The following STPG2 variants were observed in gnomAD, a reference collection of about 807,000 sequenced individuals.
The protein encoded by STPG2 is sperm-tail PG-rich repeat-containing protein 2.
A neutral mutation model predicts 54.2 loss-of-function variants in STPG2; 56 were observed. The ratio of observed to expected loss-of-function variants is 1.03; its 90% CI spans 0.83 to 1.29. STPG2 has a LOEUF of 1.29. Ranked by LOEUF, STPG2 falls within the 50% of genes most tolerant of loss-of-function variation. The pLI, the probability that STPG2 is intolerant of heterozygous loss-of-function variation, is 0.00. For missense variants in STPG2, 596 were observed against 544.9 expected, an observed-to-expected ratio of 1.09 and a Z score of -0.93; for synonymous variants, 200 against 181.8, an observed-to-expected ratio of 1.10 and a Z score of -0.81.
intron 8 of STPG2, among the ~76,000 whole-genome samples, chr4:97,922,548 GA>G (rs1732148752): frequency 6.6e-6 from 1 of 152,174 alleles, no homozygotes; most frequent in African/African-American, 2.4e-5. Flanking sequence ...GTGCTGTGTG[GA>G]AGTTCAAATA....
chr4:97,532,194 G>T (rs1449081638), intron 4 of STPG2, among the ~76,000 whole-genome samples: 1 of 151,896 alleles, frequency 6.6e-6, no homozygotes, highest in Admixed American at 6.6e-5. Flanking sequence ...TAGTAATAAT[G>T]CAATTACCTT....
At chr4:98,125,592 T>C (rs1198111450) in intron 3 of STPG2, among the ~76,000 whole-genome samples, 3 of 151,974 alleles carry the variant, frequency 2.0e-5, no homozygotes, top group African/African-American at 7.3e-5. Flanking sequence ...GCTGGAACAC[T>C]CCTGTATGAG....
chr4:97,612,448 G>T (rs1453100295), intron 10 of STPG2, among the ~76,000 whole-genome samples: 1 of 152,000 alleles, frequency 6.6e-6, no homozygotes, highest in Non-Finnish European at 1.5e-5. Context: ...TCAGACGATT[G>T]ACCCTATAAT....
chr4:98,025,577 GC>G, intron 5 of STPG2: 1 of 735,342 alleles, frequency 1.4e-6, no homozygotes, highest in South Asian at 1.4e-5. Flanking sequence ...TTGTCAGATT[GC>G]TTATGCCCAT....
chr4:97,549,702 A>C (rs1473817878), intron 4 of STPG2, among the ~76,000 whole-genome samples: 1 of 152,186 alleles, frequency 6.6e-6, no homozygotes, highest in Non-Finnish European at 1.5e-5. Flanking sequence ...ACAGAGAAGA[A>C]GGTCATGTAA....
chr4:97,522,149 C>T (rs1054362030), intron 4 of STPG2, among the ~76,000 whole-genome samples: 5 of 151,874 alleles, frequency 3.3e-5, no homozygotes, highest in Non-Finnish European at 5.9e-5. Context: ...TTGATAATTA[C>T]AAATATTAAA....
intron 8 of STPG2, 61 bp from the exon 9 acceptor site, chr4:97,840,993 T>C (rs1289420385): frequency 5.9e-6 from 9 of 1,517,792 alleles, no homozygotes; most frequent in Middle Eastern, 1.8e-4. Context: ...TCCAAGAAGA[T>C]ACCAGATGGA....
intron 5 of STPG2, among the ~76,000 whole-genome samples, chr4:98,023,050 T>C (rs1416131271): frequency 2.6e-5 from 4 of 151,742 alleles, no homozygotes; most frequent in African/African-American, 4.9e-5. Flanking sequence ...CTTTGTTCTG[T>C]TACTGGTGAG....
At chr4:97,532,951 C>G (rs1396886843) in intron 4 of STPG2, among the ~76,000 whole-genome samples, 2 of 152,060 alleles carry the variant, frequency 1.3e-5, no homozygotes, top group African/African-American at 2.4e-5. Flanking sequence ...GGTGCAATCC[C>G]AGCTCACTGC....
chr4:97,527,870 T>A (rs1731318712), intron 4 of STPG2, among the ~76,000 whole-genome samples: 1 of 152,316 alleles, frequency 6.6e-6, no homozygotes, highest in African/African-American at 2.4e-5. Flanking sequence ...TGTAAATTTA[T>A]TTATATTTCT....
rs199843964 is a variant in STPG2, at chr4:98,033,126, C to A, written c.613-51808G>T. 9.4e-4 allele frequency among the ~76,000 whole-genome samples: 53 copies of A among 56,094 alleles called. 1 individual carries two copies. In the South Asian group the frequency reaches 0.023, roughly 24 times the overall value. 36.8% of individuals were successfully genotyped at this position (56,094 alleles called of 152,430 possible). On this transcript the variant is annotated intron_variant, in intron 5 of 10. Coordinates refer to ENST00000295268, the MANE Select transcript of STPG2 (RefSeq NM_174952.3). ...TGAAGAAGATAGAAACACACACACA[C>A]ACAAAAAAAACCCTTCAAAAAAATC...
chr4:97,910,751 T>C (rs72892940), intron 8 of STPG2, among the ~76,000 whole-genome samples: 19,379 of 151,764 alleles, frequency 0.13, 1,888 homozygotes, highest in African/African-American at 0.26. Context: ...AACACCAAGA[T>C]GGAACAAATG....
intron 5 of STPG2, among the ~76,000 whole-genome samples, chr4:98,060,883 G>A (rs1282038734): frequency 3.3e-5 from 5 of 152,158 alleles, no homozygotes; most frequent in African/African-American, 1.2e-4. Context: ...GACTGCAACT[G>A]GACCCCTTCC....
chr4:97,901,538 A>T (rs1731177695), intron 8 of STPG2, among the ~76,000 whole-genome samples: 1 of 152,042 alleles, frequency 6.6e-6, no homozygotes, highest in Admixed American at 6.6e-5. Context: ...CACTAACAAC[A>T]AACTATTTGT....
At chr4:97,571,901 G>A (rs1478957407) in intron 10 of STPG2, among the ~76,000 whole-genome samples, 1 of 152,052 alleles carries the variant, frequency 6.6e-6, no homozygotes, top group East Asian at 1.9e-4. Context: ...GTATATGTAT[G>A]ACATTGTCAC....
At chr4:98,076,180 C>T (rs575721924) in intron 5 of STPG2, among the ~76,000 whole-genome samples, 1 of 151,352 alleles carries the variant, frequency 6.6e-6, no homozygotes, top group African/African-American at 2.4e-5. Flanking sequence ...GGAGGCGGAG[C>T]TTGCAATGAG....
intron 9 of STPG2, among the ~76,000 whole-genome samples, chr4:97,827,388 A>C (rs866549707): frequency 2.6e-5 from 4 of 151,546 alleles, no homozygotes; most frequent in Non-Finnish European, 5.9e-5. Flanking sequence ...GGCGCCCACC[A>C]CCATGTCCGG....
chr4:98,003,437 G>A (rs1012023831), intron 5 of STPG2, among the ~76,000 whole-genome samples: 3 of 151,930 alleles, frequency 2.0e-5, no homozygotes, highest in African/African-American at 7.2e-5. Context: ...CATTGAGCTG[G>A]GAAAAAGTCC....
At chr4:98,109,079 T>A in intron 4 of STPG2, 114 bp downstream of exon 4, 1 of 549,540 alleles carries the variant, frequency 1.8e-6, no homozygotes, top group South Asian at 4.4e-5. Context: ...GTAATACTTC[T>A]TGGAGTTTTT....
Sources: allele counts gnomAD v4.1 joint callset (sites outside exome capture counted in the v4.1 genomes callset), GRCh38; gene constraint gnomAD v4.1.1; transcripts MANE v1.5; gene names NCBI Gene and HGNC (gene_info 2026-07-23, HGNC 2026-07-21).